The following ZFAND5 variants were observed in gnomAD, a reference collection of about 807,000 sequenced individuals.
ZFAND5 encodes the protein zinc finger AN1-type containing 5.
ZFAND5 carries 4 observed loss-of-function variants against 23.6 expected under a neutral mutation model. The ratio of observed to expected loss-of-function variants is 0.17; its 90% CI spans 0.08 to 0.39. ZFAND5 has a LOEUF of 0.39. Among genes scored for constraint, ZFAND5 ranks in the 10% least tolerant of loss-of-function variants. ZFAND5 has a pLI of 1.00. For synonymous variants in ZFAND5, 68 were observed against 80.6 expected, an observed-to-expected ratio of 0.84 and a Z score of 0.84; for missense variants, 161 against 253.7, an observed-to-expected ratio of 0.63 and a Z score of 2.48.
Position 72,352,675 on chromosome 9 carries a change from A to G in ZFAND5, c.*3278T>C, listed in dbSNP as rs1353957604. ...TAATGACTTTAAACTGCAAGTTTAA[A>G]TAACAAATCTTTATCTTTTCACTAT... On this transcript the variant is annotated 3_prime_UTR_variant, in exon 7 of 7. Coordinates refer to ENST00000376962, the MANE Select transcript of ZFAND5 (RefSeq NM_001102420.3). 6.6e-6 allele frequency: 1 copy of G among 152,270 alleles called. No homozygotes were observed. The highest frequency in any genetic ancestry group is 1.9e-4 in the East Asian group (1 of 5,206). 9.4% of individuals were successfully genotyped at this position (152,270 alleles called of 1,614,324 possible).
intron 5 of ZFAND5, among the ~76,000 whole-genome samples, chr9:72,358,630 A>C (rs1564306239): frequency 6.6e-6 from 1 of 152,160 alleles, no homozygotes; most frequent in Non-Finnish European, 1.5e-5. Context: ...GCCAAACTTG[A>C]GAATTTGGCC....
intron 6 of ZFAND5, among the ~76,000 whole-genome samples, chr9:72,356,670 C>T (rs547365452): frequency 1.2e-4 from 19 of 152,218 alleles, no homozygotes; most frequent in Non-Finnish European, 2.5e-4. Context: ...GTAACATTTT[C>T]CCTAGGTATA....
chr9:72,364,710 A>C lies in ZFAND5; in HGVS notation c.-161T>G. On this transcript the variant is annotated 5_prime_UTR_variant, in exon 1 of 7. The change creates a new upstream start codon in the 5' untranslated region. Transcript: ENST00000376962. ...GTATCACTCACCCTGCAGGGTCCCA[A>C]ATGCGAAAGCCGGGTTCGCGCGCGA... 6.9e-5 allele frequency: 59 copies of C among 849,724 alleles called. No individual in the cohort carries two copies. Among genetic ancestry groups the C allele is most frequent in the Non-Finnish European group, 8.5e-5 (57 of 674,024 alleles). 52.6% of individuals were successfully genotyped at this position (849,724 alleles called of 1,614,324 possible).
chr9:72,360,504 T>C (rs1254592626), intron 3 of ZFAND5, 124 bp downstream of exon 3: 8 of 1,331,818 alleles, frequency 6.0e-6, no homozygotes, highest in Non-Finnish European at 7.3e-6. Flanking sequence ...GGGCTGTTGC[T>C]TGAATTTCAA....
intron 5 of ZFAND5, among the ~76,000 whole-genome samples, chr9:72,359,150 T>C (rs542139589): frequency 6.6e-6 from 1 of 152,246 alleles, no homozygotes; most frequent in East Asian, 1.9e-4. Flanking sequence ...TTTTAACACA[T>C]CCAATCTCCA....
Position 72,352,367 on chromosome 9 carries a change from A to G in ZFAND5, c.*3586T>C, listed in dbSNP as rs1426765868. 6.6e-6 allele frequency: 1 copy of G among 152,170 alleles called. No homozygotes were observed. Among genetic ancestry groups the G allele is most frequent in the African/African-American group, 2.4e-5 (1 of 41,418 alleles). The allele number at this position is 152,170 out of a possible 1,614,324, so 9.4% of individuals were successfully genotyped here. A position where few individuals can be genotyped will look rare whatever the true frequency, so the allele number is the denominator to read the frequency against. On this transcript the variant is annotated 3_prime_UTR_variant, in exon 7 of 7. Transcript: ENST00000376962. The stretch of plus-strand genomic sequence containing the variant: ...TCAAATCAAGTCTTTGTACATATTC[A>G]AATATTTACATGTGGAAAAGATTAA...
chr9:72,360,082 A>C, intron 4 of ZFAND5, 28 bp downstream of exon 4: 1 of 1,580,146 alleles, frequency 6.3e-7, no homozygotes, highest in Non-Finnish European at 8.7e-7. Flanking sequence ...TTGTAATATC[A>C]TAAAAACTCT....
In ZFAND5 at chr9:72,354,373, TTA is replaced by T. The variant is rs1349093645; in HGVS notation, c.*1578_*1579del. The T allele has an allele frequency of 6.6e-6, 1 of 152,548 alleles. No individual in the cohort carries two copies. The highest frequency in any genetic ancestry group is 2.4e-5 in the African/African-American group (1 of 41,444). 9.4% of individuals were successfully genotyped at this position (152,548 alleles called of 1,614,324 possible). ...TTCAGCGATGGCAAAGGAAAAAAAA[TTA>T]TATAGCCATGTAAAGTAACATTTTC... On this transcript the variant is annotated 3_prime_UTR_variant, in exon 7 of 7. Transcript: ENST00000376962.
chr9:72,359,835 A>C (rs541482994), intron 4 of ZFAND5, among the ~76,000 whole-genome samples: 8 of 152,308 alleles, frequency 5.3e-5, no homozygotes, highest in African/African-American at 1.4e-4. Context: ...TGTCTGGCCC[A>C]ATAATATTCT....
intron 5 of ZFAND5, among the ~76,000 whole-genome samples, chr9:72,358,804 T>C (rs956951327): frequency 6.6e-6 from 1 of 152,118 alleles, no homozygotes; most frequent in Admixed American, 6.6e-5. Flanking sequence ...TAAAATAAGC[T>C]ACGTGCACTA....
rs1382781398 is a variant in ZFAND5 at position 72,360,786 on chromosome 9, T to C, written c.-8A>G. The C allele has an allele frequency of 1.3e-6, 2 of 1,587,644 alleles. No homozygotes were observed. The highest frequency in any genetic ancestry group is 1.7e-6 in the Non-Finnish European group (2 of 1,164,480). On this transcript the variant is annotated splice_region_variant and 5_prime_UTR_variant, in exon 3 of 7. Transcript: ENST00000376962. The stretch of plus-strand genomic sequence containing the variant: ...GTTAGTCTCCTGAGCCATATTTTTC[T>C]GCTATAGATGAAACGAAATTTCAGA...
At chr9:72,356,208 TAA>T (rs1841937078) in intron 6 of ZFAND5, 107 bp from the exon 7 acceptor site, 3 of 1,348,932 alleles carry the variant, frequency 2.2e-6, no homozygotes, top group Admixed American at 2.6e-5. Flanking sequence ...CTTTGTAACA[TAA>T]AAGACAGTGA....
rs759449117 is a variant in ZFAND5 at position 72,359,406 on chromosome 9, T to C, written c.367+12A>G. On this transcript the variant is annotated intron_variant, in intron 5 of 6. Transcript: ENST00000376962. ...AATTCAGAACTGAACAAGTATTAAA[T>C]GAAAAACATACCTGGCTCTGACACC... The C allele has an allele frequency of 8.7e-6, 14 of 1,610,624 alleles. No individual in the cohort carries two copies. The South Asian group carries it at 1.4e-4, about 16-fold the overall frequency.
rs1300736415 is a variant in ZFAND5, at chr9:72,364,680, G to A, written c.-147+16C>T. The A allele has an allele frequency of 2.8e-6, 3 of 1,059,980 alleles. No homozygotes were observed. The highest frequency in any genetic ancestry group is 3.5e-6 in the Non-Finnish European group (3 of 845,398). The allele number at this position is 1,059,980 out of a possible 1,614,324, so 65.7% of individuals were successfully genotyped here. Reference sequence around the variant, plus strand: ...ACAAGGAGCCCGGCTCCCACCCGCAGCCCCGTATCACTCACCCTGCAGGGT... The same window carrying A: ...ACAAGGAGCCCGGCTCCCACCCGCAACCCCGTATCACTCACCCTGCAGGGT... On this transcript the variant is annotated intron_variant, in intron 1 of 6. Transcript: ENST00000376962.
rs1426020450 is a variant in ZFAND5 at position 72,352,642 on chromosome 9, AATG to A, written c.*3308_*3310del. Reference sequence around the variant, plus strand: ...TTGCAAAGAAAGCCTTACGGAAAAGAATGATTCTAATGACTTTAAACTGCAAGT... The same window carrying A: ...TTGCAAAGAAAGCCTTACGGAAAAGAATTCTAATGACTTTAAACTGCAAGT... On this transcript the variant is annotated 3_prime_UTR_variant, in exon 7 of 7. Transcript: ENST00000376962. 6.6e-6 allele frequency: 1 copy of A among 152,242 alleles called. No homozygotes were observed. Among genetic ancestry groups the A allele is most frequent in the Non-Finnish European group, 1.5e-5 (1 of 68,050 alleles). The allele number at this position is 152,242 out of a possible 1,614,324, so 9.4% of individuals were successfully genotyped here.
intron 1 of ZFAND5, chr9:72,364,315 G>C (rs927228641): frequency 3.6e-5 from 33 of 921,660 alleles, no homozygotes; most frequent in Admixed American, 1.1e-4. Context: ...GGAGAGCTAG[G>C]GGGGGCTGCA....
At chr9:72,360,864 T>A (rs1468528870) in intron 2 of ZFAND5, 77 bp from the exon 3 acceptor site, 3 of 1,309,374 alleles carry the variant, frequency 2.3e-6, no homozygotes, top group African/African-American at 3.0e-5. Flanking sequence ...TATACCGTTG[T>A]AATTGCTACG....
chr9:72,361,837 G>A (rs1842113180), intron 2 of ZFAND5, among the ~76,000 whole-genome samples: 2 of 152,156 alleles, frequency 1.3e-5, no homozygotes, highest in Non-Finnish European at 2.9e-5. Flanking sequence ...ACATGTATAA[G>A]CATATGTACA....
chr9:72,363,423 C>A (rs1842160256), intron 2 of ZFAND5, 47 bp downstream of exon 2: 1 of 155,012 alleles, frequency 6.5e-6, no homozygotes. Context: ...GAATACAGTT[C>A]TTTCAGGTGC....
Sources: gnomAD v4.1 joint callset for allele counts (sites outside exome capture counted in the v4.1 genomes callset) on GRCh38, gnomAD v4.1.1 for gene constraint, MANE v1.5 for transcripts, NCBI Gene and HGNC (gene_info 2026-07-23, HGNC 2026-07-21) for gene names.